SYT16: variants seen among roughly 807,000 people sequenced by gnomAD.
The protein encoded by SYT16 is synaptotagmin 16.
SYT16 carries 42 observed loss-of-function variants against 61.4 expected under a neutral mutation model. The observed-to-expected ratio is 0.68, with a 90% CI of 0.53 to 0.89. SYT16 has a LOEUF of 0.89. Ranked by LOEUF, SYT16 falls within the 40% of genes least tolerant of loss-of-function variation. SYT16 has a pLI of 0.00. For synonymous variants in SYT16, 314 were observed against 302.3 expected (o/e 1.04, Z -0.40); for missense variants, 804 against 807.3 (o/e 1.00, Z 0.05).
chr14:61,832,405 G>T, intron 1 of SYT16: 1 of 510,914 alleles, frequency 2.0e-6, no homozygotes, highest in Non-Finnish European at 3.9e-6. Context: ...CGCCCTCTAT[G>T]CCCGGTGTCC....
chr14:61,865,202 C>T (rs565987343), intron 1 of SYT16: 15 of 1,126,486 alleles, frequency 1.3e-5, no homozygotes, highest in African/African-American at 1.2e-4. Context: ...TGACTATAAG[C>T]GACTTCTGGA....
chr14:62,083,010 G>A (rs1457616791), intron 6 of SYT16, among the ~76,000 whole-genome samples: 1 of 152,210 alleles, frequency 6.6e-6, no homozygotes, highest in Admixed American at 6.5e-5. Flanking sequence ...AGGAGCACAG[G>A]AGGGGGAGTG....
At chr14:62,083,420 CCTT>C (rs1444339690) in intron 6 of SYT16, among the ~76,000 whole-genome samples, 2 of 152,110 alleles carry the variant, frequency 1.3e-5, no homozygotes, top group Non-Finnish European at 2.9e-5. Flanking sequence ...CAATCAGTGT[CCTT>C]CTCAGTTTTG....
chr14:61,909,809 G>A (rs1385045442), intron 1 of SYT16, among the ~76,000 whole-genome samples: 2 of 152,140 alleles, frequency 1.3e-5, no homozygotes, highest in Non-Finnish European at 2.9e-5. Flanking sequence ...CAGAATATTT[G>A]TGGAGCCTTT....
intron 1 of SYT16, among the ~76,000 whole-genome samples, chr14:61,822,544 C>T (rs1185837976): frequency 6.6e-6 from 1 of 152,192 alleles, no homozygotes; most frequent in African/African-American, 2.4e-5. Flanking sequence ...GAAATAACTG[C>T]CTCCGTCAGA....
At chr14:61,874,231 G>A (rs1334222630) in intron 1 of SYT16, among the ~76,000 whole-genome samples, 1 of 152,186 alleles carries the variant, frequency 6.6e-6, no homozygotes, top group Non-Finnish European at 1.5e-5. Flanking sequence ...TCTATTAAGT[G>A]CAGGAGAGGA....
At chr14:61,964,500 C>T (rs746732973) in intron 1 of SYT16, among the ~76,000 whole-genome samples, 2 of 152,146 alleles carry the variant, frequency 1.3e-5, no homozygotes, top group Non-Finnish European at 2.9e-5. Flanking sequence ...CAAACTTGAA[C>T]AGATGAAAAG....
chr14:61,960,950 TAGA>T (rs2051094366), intron 1 of SYT16, among the ~76,000 whole-genome samples: 1 of 152,090 alleles, frequency 6.6e-6, no homozygotes, highest in African/African-American at 2.4e-5. Context: ...ATAGAGAGCC[TAGA>T]AGTAATGCCA....
chr14:61,969,701 T>A lies in SYT16; in HGVS notation c.-324-431T>A, dbSNP rs945325476. Among the ~76,000 whole-genome samples the A allele has an allele frequency of 1.3e-5, 2 of 152,218 alleles. 1 individual carries two copies. The highest frequency in any genetic ancestry group is 4.1e-4 in the South Asian group (2 of 4,838). ...GTAGAATTATTTATCTGAAAATTTG[T>A]CTCAAGTGATGATTGTGTAAGCTTT... On this transcript the variant is annotated intron_variant, in intron 1 of 7. Transcript: ENST00000683842.
At chr14:61,995,438 A>G (rs1298031649) in intron 2 of SYT16, among the ~76,000 whole-genome samples, 1 of 152,154 alleles carries the variant, frequency 6.6e-6, no homozygotes, top group Non-Finnish European at 1.5e-5. Flanking sequence ...TTCCAGACAC[A>G]TACTTCCTTT....
chr14:62,061,599 A>G (rs936911704), intron 3 of SYT16, among the ~76,000 whole-genome samples: 1 of 152,176 alleles, frequency 6.6e-6, no homozygotes, highest in Non-Finnish European at 1.5e-5. Flanking sequence ...GTGCAGTTAC[A>G]TTAATATCAG....
rs569971312 is a variant in SYT16, at chr14:61,826,980, C to A, written c.-325+14170C>A. On this transcript the variant is annotated intron_variant, in intron 1 of 7. Coordinates refer to ENST00000683842, the MANE Select transcript of SYT16 (RefSeq NM_001367656.1). ...TTTTTTCCACTCTGCGGAAGCCCAC[C>A]AGTTCCATTAAATTAGAGTCCCACC... Among the ~76,000 whole-genome samples the A allele has an allele frequency of 9.1e-4, 138 of 152,072 alleles. 2 individuals carry two copies. Among genetic ancestry groups the A allele is most frequent in the African/African-American group, 3.0e-3 (126 of 41,336 alleles).
At chr14:61,827,204 C>A (rs1040530189) in intron 1 of SYT16, among the ~76,000 whole-genome samples, 1 of 152,146 alleles carries the variant, frequency 6.6e-6, no homozygotes. Context: ...CTCTGTACAT[C>A]CTTTCTGCCA....
intron 7 of SYT16, among the ~76,000 whole-genome samples, chr14:62,089,450 T>C (rs1332274192): frequency 6.6e-6 from 1 of 152,128 alleles, no homozygotes; most frequent in East Asian, 1.9e-4. Context: ...CATTTCTATG[T>C]ATCTATCTGT....
At chr14:61,935,484 T>G (rs1009288451) in intron 1 of SYT16, among the ~76,000 whole-genome samples, 1 of 152,230 alleles carries the variant, frequency 6.6e-6, no homozygotes, top group Non-Finnish European at 1.5e-5. Context: ...CTAGCCTGGC[T>G]CTTCACCTAA....
intron 2 of SYT16, among the ~76,000 whole-genome samples, chr14:61,981,441 CTTA>C (rs1046457971): frequency 1.1e-4 from 16 of 152,184 alleles, no homozygotes; most frequent in African/African-American, 3.9e-4. Context: ...ACTAAAAAAA[CTTA>C]TTATGGAAAC....
intron 1 of SYT16, among the ~76,000 whole-genome samples, chr14:61,873,776 A>G (rs973243882): frequency 5.3e-5 from 8 of 152,274 alleles, no homozygotes; most frequent in South Asian, 2.1e-4. Context: ...ACAGAACTAC[A>G]TGTTATGATA....
At chr14:61,895,338 A>G (rs1398042624) in intron 1 of SYT16, among the ~76,000 whole-genome samples, 1 of 152,070 alleles carries the variant, frequency 6.6e-6, no homozygotes, top group East Asian at 1.9e-4. Context: ...TTTGCCAGTG[A>G]CTTTGGGATG....
chr14:61,827,835 C>A (rs1022527120), intron 1 of SYT16, among the ~76,000 whole-genome samples: 2 of 152,088 alleles, frequency 1.3e-5, no homozygotes, highest in African/African-American at 4.8e-5. Context: ...CATATAAGTC[C>A]CTTTATCTGC....
Sources: allele counts gnomAD v4.1 joint callset (sites outside exome capture counted in the v4.1 genomes callset), GRCh38; gene constraint gnomAD v4.1.1; transcripts MANE v1.5; gene names NCBI Gene and HGNC (gene_info 2026-07-23, HGNC 2026-07-21).